ENTPD1: variants seen among roughly 807,000 people sequenced by gnomAD.
ENTPD1 encodes the protein ectonucleoside triphosphate diphosphohydrolase 1, also known as ATP diphosphohydrolase.
A neutral mutation model predicts 57.0 loss-of-function variants in ENTPD1; 33 were observed. That is an observed-to-expected ratio of 0.58 (90% CI 0.44 to 0.77). ENTPD1 has a LOEUF of 0.77. Ranked by LOEUF, ENTPD1 falls within the 30% of genes least tolerant of loss-of-function variation. The pLI, the probability that ENTPD1 is intolerant of heterozygous loss-of-function variation, is 0.00. For missense variants in ENTPD1, 501 were observed against 603.4 expected, an observed-to-expected ratio of 0.83 and a Z score of 1.78; for synonymous variants, 202 against 218.8, an observed-to-expected ratio of 0.92 and a Z score of 0.68.
chr10:95,711,964 G>C lies in ENTPD1; in HGVS notation c.8G>C (p.Gly3Ala), dbSNP rs933516011. ...GTTCTTCTGGAAGCTGCAATGAAGG[G>C]AACCAAGGACCTGACAAGCCAGCAG... The change falls in exon 1 of 10, where the codon GGA becomes GCA. Residue 3 changes from glycine to alanine, a missense_variant. By Grantham distance (60) the Gly-to-Ala change is moderately conservative. Coordinates refer to the ENTPD1 transcript ENST00000453258. The C allele has an allele frequency of 2.5e-6, 4 of 1,613,186 alleles. No homozygotes were observed. The African/African-American group carries it at 4.0e-5, about 16-fold the overall frequency.
chr10:95,837,983 C>CACA (rs200279603), intron 2 of ENTPD1, among the ~76,000 whole-genome samples: 1 of 139,884 alleles, frequency 7.1e-6, no homozygotes, highest in Admixed American at 7.1e-5. Flanking sequence ...CACACACACA[C>CACA]CACACACCCA....
chr10:95,777,671 C>T (rs888231246), intron 1 of ENTPD1, among the ~76,000 whole-genome samples: 2 of 152,194 alleles, frequency 1.3e-5, no homozygotes, highest in Non-Finnish European at 2.9e-5. Flanking sequence ...GCTGGGAGAA[C>T]CACTGCTCTC....
intron 1 of ENTPD1, among the ~76,000 whole-genome samples, chr10:95,723,491 A>T (rs913311316): frequency 6.6e-6 from 1 of 152,082 alleles, no homozygotes; most frequent in Non-Finnish European, 1.5e-5. Context: ...CTAAGGATGC[A>T]GTGTAGAGCT....
upstream of ENTPD1, among the ~76,000 whole-genome samples, chr10:95,751,024 GAACAA>G (rs951981369): frequency 6.6e-6 from 1 of 151,934 alleles, no homozygotes; most frequent in Non-Finnish European, 1.5e-5. Context: ...CTCCATCTCA[GAACAA>G]AACAAAACAA....
At chr10:95,712,490 G>A (rs894636652) in intron 1 of ENTPD1, among the ~76,000 whole-genome samples, 3 of 152,160 alleles carry the variant, frequency 2.0e-5, no homozygotes, top group Non-Finnish European at 4.4e-5. Flanking sequence ...GTCACATTAG[G>A]TGACCAGTCT....
At position 95,845,378 on chromosome 10, in the gene ENTPD1, G is replaced by C. The variant is rs911744459; in HGVS notation, c.595G>C (p.Val199Leu). 1.2e-6 allele frequency: 2 copies of C among 1,614,238 alleles called. No homozygotes were observed. Among genetic ancestry groups the C allele is most frequent in the Admixed American group, 3.3e-5 (2 of 60,022 alleles). Reference protein sequence around the residue: ...FSQKTRWFSIVPYETNNQETF... With the variant: ...FSQKTRWFSILPYETNNQETF... ...TCAGAAAACAAGGTGGTTCAGCATA[G>C]TCCCATATGAAACCAATAATCAGGA... is the stretch of plus-strand genomic sequence containing the variant. Residue 199 changes from valine to leucine, a missense_variant, in exon 6 of 10, where the codon GTC becomes CTC. Transcript: ENST00000371205.
At chr10:95,785,693 T>A (rs1227253340) in intron 1 of ENTPD1, among the ~76,000 whole-genome samples, 2 of 152,150 alleles carry the variant, frequency 1.3e-5, no homozygotes, top group Non-Finnish European at 2.9e-5. Context: ...AGTGTCAATG[T>A]CTCCTAATAA....
chr10:95,738,064 T>A (rs1271781543), intron 1 of ENTPD1, among the ~76,000 whole-genome samples: 1 of 152,070 alleles, frequency 6.6e-6, no homozygotes, highest in Non-Finnish European at 1.5e-5. Flanking sequence ...GGAGGGAAGA[T>A]GAAGGAGACC....
At chr10:95,775,269 G>A (rs1284927807) in intron 1 of ENTPD1, among the ~76,000 whole-genome samples, 1 of 152,212 alleles carries the variant, frequency 6.6e-6, no homozygotes, top group African/African-American at 2.4e-5. Flanking sequence ...CAGGTCATCT[G>A]CAAACAGGGA....
chr10:95,868,629 G>T lies in ENTPD1; in HGVS notation c.*2246G>T. On this transcript the variant is annotated 3_prime_UTR_variant, in exon 10 of 10. Transcript: ENST00000371205. ...TCTGACCCTCACAACAACCCATAAG[G>T]GTGTAAATAGTATTTCCATTTTACA... 1 of 982,856 alleles carries T rather than the reference G, an allele frequency of 1.0e-6. No homozygotes were observed. Among genetic ancestry groups the T allele is most frequent in the Non-Finnish European group, 1.2e-6 (1 of 827,670 alleles). The allele number at this position is 982,856 out of a possible 1,614,324, so 60.9% of individuals were successfully genotyped here.
At chr10:95,857,718 A>C (rs1387466275) in intron 7 of ENTPD1, among the ~76,000 whole-genome samples, 1 of 152,242 alleles carries the variant, frequency 6.6e-6, no homozygotes, top group African/African-American at 2.4e-5. Flanking sequence ...CGGAGCACTC[A>C]CATATGCCAA....
intron 1 of ENTPD1, among the ~76,000 whole-genome samples, chr10:95,821,522 G>A (rs1462250141): frequency 6.6e-6 from 1 of 152,160 alleles, no homozygotes; most frequent in Admixed American, 6.6e-5. Context: ...ACCAGTCACT[G>A]GTGAGGGAAT....
At chr10:95,784,833 C>G (rs531286972) in intron 1 of ENTPD1, among the ~76,000 whole-genome samples, 1 of 152,232 alleles carries the variant, frequency 6.6e-6, no homozygotes, top group South Asian at 2.1e-4. Context: ...TTACTTCACT[C>G]CATCAGGCCA....
At chr10:95,854,145 C>T (rs1379648055) in intron 7 of ENTPD1, among the ~76,000 whole-genome samples, 1 of 152,182 alleles carries the variant, frequency 6.6e-6, no homozygotes, top group Non-Finnish European at 1.5e-5. Context: ...TCAACTTCTT[C>T]CTCGTTTAGT....
At chr10:95,729,438 G>A (rs910074934) in intron 1 of ENTPD1, among the ~76,000 whole-genome samples, 2 of 152,166 alleles carry the variant, frequency 1.3e-5, no homozygotes, top group Non-Finnish European at 2.9e-5. Flanking sequence ...GTTCAGGAGG[G>A]CACTATCTGT....
chr10:95,711,809 T>G, exon 1 of ENTPD1: 1 of 1,058,688 alleles, frequency 9.4e-7, no homozygotes, highest in South Asian at 1.3e-5. Flanking sequence ...TCAAATAAAT[T>G]TGTATGCCTT....
intron 4 of ENTPD1, 22 bp from the exon 5 acceptor site, chr10:95,844,454 C>A (rs1002371952): frequency 6.2e-7 from 1 of 1,613,800 alleles, no homozygotes; most frequent in South Asian, 1.1e-5. Flanking sequence ...AAAATGATAA[C>A]CTCAGCTCTT....
chr10:95,810,640 A>C (rs2140441372), intron 1 of ENTPD1, among the ~76,000 whole-genome samples: 1 of 152,352 alleles, frequency 6.6e-6, no homozygotes, highest in South Asian at 2.1e-4. Flanking sequence ...CAGGTACAAA[A>C]TTCAGTAGGA....
intron 2 of ENTPD1, 120 bp from the exon 3 acceptor site, chr10:95,839,571 A>G: frequency 1.0e-6 from 1 of 989,884 alleles, no homozygotes. Flanking sequence ...CCATCCCCTC[A>G]ATGTTCCTCT....
Sources: gnomAD v4.1 joint callset for allele counts (sites outside exome capture counted in the v4.1 genomes callset) on GRCh38, gnomAD v4.1.1 for gene constraint, MANE v1.5 for transcripts, NCBI Gene and HGNC (gene_info 2026-07-23, HGNC 2026-07-21) for gene names.